Variants in ARHGAP15 observed in about 807,000 individuals in gnomAD.
The protein encoded by ARHGAP15 is Rho GTPase activating protein 15.
In ARHGAP15, 51 loss-of-function variants were observed where a neutral mutation model predicts 63.7. The observed-to-expected ratio is 0.80, with a 90% confidence interval of 0.64 to 1.01. The LOEUF (loss-of-function observed/expected upper bound fraction) is 1.01. ARHGAP15 is among the 50% of genes least tolerant of loss of function. ARHGAP15 has a pLI of 0.00. For synonymous variants in ARHGAP15, 191 were observed against 193.8 expected (o/e 0.99, Z 0.12); for missense variants, 560 against 564.6 (o/e 0.99, Z 0.08).
intron 1 of ARHGAP15, among the ~76,000 whole-genome samples, chr2:143,131,883 T>G (rs866289236): frequency 6.6e-6 from 1 of 152,294 alleles, no homozygotes; most frequent in East Asian, 1.9e-4. Flanking sequence ...TGGTCCTGCC[T>G]GTGGCATTTA....
chr2:143,601,926 T>G (rs1414423912), intron 11 of ARHGAP15, among the ~76,000 whole-genome samples: 1 of 152,192 alleles, frequency 6.6e-6, no homozygotes, highest in Admixed American at 6.5e-5. Context: ...CAAGGTTTTG[T>G]TTTCATATAA....
chr2:143,461,090 G>A (rs182572337), intron 8 of ARHGAP15, among the ~76,000 whole-genome samples: 1 of 151,660 alleles, frequency 6.6e-6, no homozygotes, highest in Non-Finnish European at 1.5e-5. Context: ...AGGAGTTTGA[G>A]ACCAGCCTGG....
chr2:143,631,629 A>T (rs1699075866), intron 12 of ARHGAP15, among the ~76,000 whole-genome samples: 1 of 152,028 alleles, frequency 6.6e-6, no homozygotes, highest in South Asian at 2.1e-4. Context: ...CAGTTAAGAA[A>T]CCTACTTTTT....
At chr2:143,173,435 A>T (rs1321715169) in intron 2 of ARHGAP15, among the ~76,000 whole-genome samples, 1 of 152,096 alleles carries the variant, frequency 6.6e-6, no homozygotes, top group South Asian at 2.1e-4. Flanking sequence ...TCCCATAAAC[A>T]TATCAATCCT....
chr2:143,758,654 T>C (rs1440142739), intron 13 of ARHGAP15, among the ~76,000 whole-genome samples: 1 of 152,212 alleles, frequency 6.6e-6, no homozygotes, highest in South Asian at 2.1e-4. Context: ...TTTTCATGTA[T>C]GGCAGTTATT....
chr2:143,564,372 T>C (rs1696142101), intron 11 of ARHGAP15, among the ~76,000 whole-genome samples: 2 of 152,180 alleles, frequency 1.3e-5, no homozygotes. Flanking sequence ...TTAGGGGTCA[T>C]CTTAGAACCT....
At chr2:143,436,497 A>G (rs1689618763) in intron 7 of ARHGAP15, among the ~76,000 whole-genome samples, 1 of 152,140 alleles carries the variant, frequency 6.6e-6, no homozygotes, top group African/African-American at 2.4e-5. Flanking sequence ...GTGTGAGTGC[A>G]CATACATACA....
intron 6 of ARHGAP15, among the ~76,000 whole-genome samples, chr2:143,417,359 C>A (rs1688735204): frequency 6.6e-6 from 1 of 151,950 alleles, no homozygotes; most frequent in African/African-American, 2.4e-5. Flanking sequence ...CTTTCTCCTG[C>A]CATTCTTTTG....
At chr2:143,326,121 G>A (rs1276107153) in intron 6 of ARHGAP15, among the ~76,000 whole-genome samples, 1 of 152,116 alleles carries the variant, frequency 6.6e-6, no homozygotes, top group African/African-American at 2.4e-5. Context: ...AATACAATAA[G>A]GCAATAGATT....
chr2:143,197,806 G>A (rs1395795592), intron 2 of ARHGAP15, among the ~76,000 whole-genome samples: 1 of 152,026 alleles, frequency 6.6e-6, no homozygotes, highest in Non-Finnish European at 1.5e-5. Flanking sequence ...TCCCCTAAAG[G>A]AGTATTAAGA....
chr2:143,232,449 T>A (rs2104920956), intron 5 of ARHGAP15, among the ~76,000 whole-genome samples: 1 of 152,346 alleles, frequency 6.6e-6, no homozygotes, highest in Non-Finnish European at 1.5e-5. Flanking sequence ...TCCTGAATTA[T>A]GAAGGAAAGG....
At chr2:143,526,994 T>C (rs941144862) in intron 10 of ARHGAP15, among the ~76,000 whole-genome samples, 1 of 152,120 alleles carries the variant, frequency 6.6e-6, no homozygotes, top group Admixed American at 6.6e-5. Flanking sequence ...TCCCTAGGGT[T>C]TAAAAATTAA....
intron 8 of ARHGAP15, among the ~76,000 whole-genome samples, chr2:143,444,674 T>A (rs955618426): frequency 3.3e-5 from 5 of 151,974 alleles, no homozygotes; most frequent in Non-Finnish European, 5.9e-5. Context: ...ATAACATGCT[T>A]GGGGGAAAAA....
intron 6 of ARHGAP15, among the ~76,000 whole-genome samples, chr2:143,377,429 A>C (rs1686863621): frequency 6.6e-6 from 1 of 151,894 alleles, no homozygotes. Flanking sequence ...TTGAAAAAAT[A>C]AAATAATAAT....
At chr2:143,522,641 A>G (rs1694104545) in intron 10 of ARHGAP15, among the ~76,000 whole-genome samples, 1 of 152,140 alleles carries the variant, frequency 6.6e-6, no homozygotes, top group African/African-American at 2.4e-5. Flanking sequence ...TGGAAGAAGA[A>G]GAATTGTCTT....
intron 12 of ARHGAP15, among the ~76,000 whole-genome samples, chr2:143,685,881 C>T (rs901387744): frequency 2.0e-5 from 3 of 152,038 alleles, no homozygotes; most frequent in Admixed American, 1.3e-4. Context: ...CAGGTCTAGT[C>T]CTATTCAAAT....
At chr2:143,764,224 TAA>T (rs1686874774) in intron 13 of ARHGAP15, among the ~76,000 whole-genome samples, 2 of 152,258 alleles carry the variant, frequency 1.3e-5, no homozygotes. Context: ...GAAATTTAGG[TAA>T]TTTGCATTCG....
chr2:143,440,875 T>G (rs1433913997), intron 8 of ARHGAP15, among the ~76,000 whole-genome samples: 1 of 152,064 alleles, frequency 6.6e-6, no homozygotes, highest in Non-Finnish European at 1.5e-5. Context: ...TGTGAACATA[T>G]TTCTCTGAGG....
At chr2:143,480,900 T>G (rs1692048202) in intron 8 of ARHGAP15, 1 of 152,172 alleles carries the variant, frequency 6.6e-6, no homozygotes, top group Admixed American at 6.5e-5. Flanking sequence ...TAAACTTGAT[T>G]TCTTTTTTTC....
Sources: gnomAD v4.1 joint callset for allele counts (sites outside exome capture counted in the v4.1 genomes callset) on GRCh38, gnomAD v4.1.1 for gene constraint, MANE v1.5 for transcripts, NCBI Gene and HGNC (gene_info 2026-07-23, HGNC 2026-07-21) for gene names.